The following CAMTA1 variants were observed in gnomAD, a reference collection of about 807,000 sequenced individuals.
CAMTA1 encodes the protein calmodulin binding transcription activator 1, also known as calmodulin-binding transcription activator 1.
A neutral mutation model predicts 170.9 loss-of-function variants in CAMTA1; 27 were observed. The ratio of observed to expected loss-of-function variants is 0.16; its 90% CI spans 0.12 to 0.22. The LOEUF is 0.22. CAMTA1 is among the 10% of genes least tolerant of loss of function. The probability of loss-of-function intolerance (pLI) is 1.00; values close to 1 mark genes in which losing one functional copy is unlikely to be tolerated. For synonymous variants in CAMTA1, 833 were observed against 891.5 expected, an observed-to-expected ratio of 0.93 and a Z score of 1.17; for missense variants, 1,619 against 2,217.2, an observed-to-expected ratio of 0.73 and a Z score of 5.42.
At chr1:6,857,572 G>A (rs910910139) in intron 3 of CAMTA1, among the ~76,000 whole-genome samples, 11 of 152,148 alleles carry the variant, frequency 7.2e-5, no homozygotes, top group Non-Finnish European at 1.5e-4. Context: ...AGGTAGGGTC[G>A]GGCTGTAGGA....
intron 4 of CAMTA1, among the ~76,000 whole-genome samples, chr1:7,110,958 C>G (rs147403429): frequency 1.3e-5 from 2 of 152,370 alleles, no homozygotes; most frequent in Non-Finnish European, 2.9e-5. Flanking sequence ...CCAGGTCTCA[C>G]TGAGCTGAAA....
At chr1:7,465,710 G>A (rs1442598186) in intron 5 of CAMTA1, among the ~76,000 whole-genome samples, 1 of 152,166 alleles carries the variant, frequency 6.6e-6, no homozygotes, top group African/African-American at 2.4e-5. Context: ...GGGGAAAGCG[G>A]GCCTGGGCCT....
chr1:6,953,510 G>A (rs1293093938), intron 3 of CAMTA1, among the ~76,000 whole-genome samples: 2 of 152,230 alleles, frequency 1.3e-5, no homozygotes, highest in South Asian at 2.1e-4. Context: ...TCCTTGCTCA[G>A]GGCCGCCTTG....
intron 3 of CAMTA1, among the ~76,000 whole-genome samples, chr1:7,076,292 T>C (rs551590562): frequency 1.3e-5 from 2 of 152,230 alleles, no homozygotes; most frequent in Non-Finnish European, 2.9e-5. Context: ...TATTGCTCTG[T>C]TGTAACCCTT....
chr1:7,637,306 G>A (rs947982024), intron 6 of CAMTA1, among the ~76,000 whole-genome samples: 2 of 152,226 alleles, frequency 1.3e-5, no homozygotes, highest in Non-Finnish European at 2.9e-5. Context: ...CTGCAGGGCC[G>A]GGCTTCTGCT....
chr1:7,573,798 G>C, intron 6 of CAMTA1, among the ~76,000 whole-genome samples: 2 of 152,264 alleles, frequency 1.3e-5, no homozygotes, highest in Middle Eastern at 3.4e-3. Context: ...TTTTGAGACA[G>C]AGTCTCGCTC....
chr1:6,963,668 T>C (rs1690966495), intron 3 of CAMTA1, among the ~76,000 whole-genome samples: 1 of 152,070 alleles, frequency 6.6e-6, no homozygotes, highest in Non-Finnish European at 1.5e-5. Context: ...ACCTGTCCGC[T>C]CTCCGACCCC....
chr1:7,332,826 TAC>T (rs139361283), intron 5 of CAMTA1, among the ~76,000 whole-genome samples: 20 of 150,304 alleles, frequency 1.3e-4, no homozygotes, highest in Non-Finnish European at 1.5e-4. Flanking sequence ...CACCCGCAGA[TAC>T]ACACACACAC....
intron 12 of CAMTA1, among the ~76,000 whole-genome samples, chr1:7,734,419 A>G (rs532386713): frequency 2.5e-4 from 38 of 152,344 alleles, no homozygotes; most frequent in East Asian, 9.6e-4. Flanking sequence ...ACGCTATGCA[A>G]CTGGCCTAGA....
At chr1:7,210,525 T>A (rs1438757194) in intron 4 of CAMTA1, among the ~76,000 whole-genome samples, 1 of 152,198 alleles carries the variant, frequency 6.6e-6, no homozygotes, top group Non-Finnish European at 1.5e-5. Context: ...GTAAAGTTAT[T>A]GTTTATTCTC....
At position 7,234,840 on chromosome 1, in the gene CAMTA1, G is replaced by C. The variant is rs1017194856; in HGVS notation, c.303-14651G>C. Among the ~76,000 whole-genome samples, 7 of 148,448 alleles carry C rather than the reference G, an allele frequency of 4.7e-5. No individual in the cohort carries two copies. Among genetic ancestry groups the C allele is most frequent in the Non-Finnish European group, 1.0e-4 (7 of 67,634 alleles). On this transcript the variant is annotated intron_variant, in intron 4 of 22. Transcript: ENST00000303635. The surrounding 1 kb of genome is among the most constrained non-coding windows in gnomAD (Gnocchi z 5.0). Reference sequence around the variant, plus strand: ...CTCACTTTGTCACCCAGGCTGGAGTGCGGTGGTGTGATCATAGCTCACTGC... The same window carrying C: ...CTCACTTTGTCACCCAGGCTGGAGTCCGGTGGTGTGATCATAGCTCACTGC...
chr1:7,278,511 TACA>T (rs762664676), intron 5 of CAMTA1, among the ~76,000 whole-genome samples: 8 of 152,250 alleles, frequency 5.3e-5, no homozygotes, highest in Non-Finnish European at 1.0e-4. Context: ...ATCTGAATTT[TACA>T]ACAACTCTGC....
In CAMTA1 at chr1:7,677,621, C is replaced by G; in HGVS notation, c.2802C>G (p.Thr934=). 6.2e-7 allele frequency: 1 copy of G among 1,614,044 alleles called. No homozygotes were observed. The highest frequency in any genetic ancestry group is 1.7e-4 in the Middle Eastern group (1 of 6,060). ...YCPAHDTGLV[T]LQVAFNNQII... ...CAGCCCATGACACTGGTCTTGTGACCCTACAAGTTGCCTTCAACAACCAGA... is the reference window on the plus strand; with the variant it reads ...CAGCCCATGACACTGGTCTTGTGACGCTACAAGTTGCCTTCAACAACCAGA... The change falls in exon 11 of 23, where the codon ACC becomes ACG. Residue 934 remains threonine (T), a synonymous_variant. Transcript: ENST00000303635.
At chr1:6,893,672 G>A (rs972129323) in intron 3 of CAMTA1, among the ~76,000 whole-genome samples, 3 of 152,338 alleles carry the variant, frequency 2.0e-5, no homozygotes, top group Middle Eastern at 3.4e-3. Context: ...AGAGAGACTA[G>A]GTGTGGTTCT....
intron 4 of CAMTA1, among the ~76,000 whole-genome samples, chr1:7,236,002 G>A (rs945744970): frequency 1.3e-5 from 2 of 152,196 alleles, no homozygotes; most frequent in South Asian, 2.1e-4. Flanking sequence ...AGCCTGGGCC[G>A]GGCCTGTCAG....
At chr1:7,187,186 G>T (rs1653515906) in intron 4 of CAMTA1, among the ~76,000 whole-genome samples, 1 of 152,104 alleles carries the variant, frequency 6.6e-6, no homozygotes, top group African/African-American at 2.4e-5. Flanking sequence ...CTCCAGGTTT[G>T]CAGAGAGGAA....
At chr1:7,578,709 A>G (rs948535007) in intron 6 of CAMTA1, among the ~76,000 whole-genome samples, 2 of 152,130 alleles carry the variant, frequency 1.3e-5, no homozygotes, top group Non-Finnish European at 2.9e-5. Flanking sequence ...GAAGTCCAAG[A>G]TGGACAGATG....
At chr1:7,100,367 G>C (rs1642573108) in intron 4 of CAMTA1, among the ~76,000 whole-genome samples, 1 of 152,154 alleles carries the variant, frequency 6.6e-6, no homozygotes, top group Non-Finnish European at 1.5e-5. Flanking sequence ...AGTCCTCCCT[G>C]TGAGCCCTGT....
intron 3 of CAMTA1, among the ~76,000 whole-genome samples, chr1:6,978,813 C>T (rs1289814322): frequency 6.6e-6 from 1 of 152,048 alleles, no homozygotes; most frequent in Non-Finnish European, 1.5e-5. Context: ...GATGACATTT[C>T]AACTCAACAA....
Sources: allele counts gnomAD v4.1 joint callset (sites outside exome capture counted in the v4.1 genomes callset), GRCh38; gene constraint gnomAD v4.1.1; non-coding constraint Gnocchi (gnomAD v3.1); transcripts MANE v1.5; gene names NCBI Gene and HGNC (gene_info 2026-07-23, HGNC 2026-07-21).